CAMSAP3: variants seen among roughly 807,000 people sequenced by gnomAD.
CAMSAP3 encodes calmodulin regulated spectrin associated protein family member 3.
CAMSAP3 carries 34 observed loss-of-function variants against 112.5 expected under a neutral mutation model. That is an observed-to-expected ratio of 0.30 (90% CI 0.23 to 0.40). The LOEUF (loss-of-function observed/expected upper bound fraction) is 0.40, where lower values mean the gene tolerates loss of function less well. CAMSAP3 is among the 10% of genes least tolerant of loss of function. CAMSAP3 has a pLI of 1.00. For synonymous variants in CAMSAP3, 868 were observed against 799.8 expected, an observed-to-expected ratio of 1.09 and a Z score of -1.44; for missense variants, 1,602 against 1,770.3, an observed-to-expected ratio of 0.90 and a Z score of 1.71.
At chr19:7,608,293 G>A in intron 5 of CAMSAP3, 29 bp downstream of exon 5, 1 of 1,593,028 alleles carries the variant, frequency 6.3e-7, no homozygotes, top group Non-Finnish European at 8.6e-7. Context: ...AACAGATCTT[G>A]TGCCGGGGAG....
chr19:7,612,824 A>T lies in CAMSAP3; in HGVS notation c.2331A>T (p.Ser777=), dbSNP rs747910636. Residue 777 remains serine (S), a synonymous_variant, in exon 11 of 17, where the codon TCA becomes TCT. Coordinates refer to ENST00000160298, the MANE Select transcript of CAMSAP3 (RefSeq NM_020902.2). ...GCCCTGGGCCCGGGCCCAGCCAGTCACCCCGCAGCCCGAAACACACGCGGC... is the reference window on the plus strand; with the variant it reads ...GCCCTGGGCCCGGGCCCAGCCAGTCTCCCCGCAGCCCGAAACACACGCGGC... ...RRSPGPGPSQ[S]PRSPKHTRPA... The T allele has an allele frequency of 6.4e-7, 1 of 1,560,754 alleles. No individual in the cohort carries two copies. The highest frequency in any genetic ancestry group is 1.2e-5 in the South Asian group (1 of 85,282).
At chr19:7,616,480 C>T in intron 13 of CAMSAP3, 43 bp from the exon 14 acceptor site, 2 of 1,378,866 alleles carry the variant, frequency 1.5e-6, no homozygotes, top group Non-Finnish European at 2.1e-6. Flanking sequence ...TTGTGGAGGG[C>T]AGGGGCTTCT....
rs554908688 is a variant in CAMSAP3, at chr19:7,610,054, C to T, written c.761-422C>T. On this transcript the variant is annotated intron_variant, in intron 5 of 16. Coordinates refer to ENST00000160298, the MANE Select transcript of CAMSAP3 (RefSeq NM_020902.2). This position sits in a 1 kb window ranked among gnomAD's most constrained non-coding sequence, Gnocchi z 4.9. Reference sequence around the variant, plus strand: ...TTCACCTCGGCCGGGTACAGTGGCTCACGCCTGTAATCCCAGCACTTTGGG... The same window carrying T: ...TTCACCTCGGCCGGGTACAGTGGCTTACGCCTGTAATCCCAGCACTTTGGG... Among the ~76,000 whole-genome samples the T allele has an allele frequency of 6.6e-6, 1 of 152,162 alleles. No individual in the cohort carries two copies. Among genetic ancestry groups the T allele is most frequent in the Admixed American group, 6.5e-5 (1 of 15,278 alleles).
At position 7,611,409 on chromosome 19, in the gene CAMSAP3, G is replaced by C. The variant is rs967550602; in HGVS notation, c.1124-108G>C. The stretch of plus-strand genomic sequence containing the variant: ...CTGGTCTCACTAGACCACATAATGA[G>C]CCATCAGTGACTCACCCAATGACCT... On this transcript the variant is annotated intron_variant, in intron 9 of 16. Transcript: ENST00000160298. This position sits in a 1 kb window ranked among gnomAD's most constrained non-coding sequence, Gnocchi z 6.9. 3 of 1,086,722 alleles carry C rather than the reference G, an allele frequency of 2.8e-6. No individual in the cohort carries two copies. The African/African-American group carries it at 4.8e-5, about 17-fold the overall frequency. 67.3% of individuals were successfully genotyped at this position (1,086,722 alleles called of 1,614,324 possible).
At chr19:7,616,934 C>CTCT (rs2030823962) in intron 14 of CAMSAP3, among the ~76,000 whole-genome samples, 5 of 83,032 alleles carry the variant, frequency 6.0e-5, no homozygotes, top group African/African-American at 2.6e-4. Flanking sequence ...TGTGGCCCGC[C>CTCT]TTTTTTTTTT....
Position 7,612,490 on chromosome 19 carries a change from G to T in CAMSAP3, c.1997G>T (p.Arg666Leu). 1 of 1,551,008 alleles carries T rather than the reference G, an allele frequency of 6.4e-7. No individual in the cohort carries two copies. The change falls in exon 11 of 17, where the codon CGG becomes CTG. Residue 666 changes from arginine to leucine, a missense_variant. Coordinates refer to ENST00000160298, the MANE Select transcript of CAMSAP3 (RefSeq NM_020902.2). ...ADSGPVPGGE[R>L]PAGEGQGEPT... The stretch of plus-strand genomic sequence containing the variant: ...TCCGGTCCAGTCCCTGGTGGGGAGC[G>T]GCCCGCAGGCGAGGGCCAGGGTGAG...
At chr19:7,613,334 T>A (rs1462983595) in intron 11 of CAMSAP3, among the ~76,000 whole-genome samples, 171 bp downstream of exon 11, 1 of 103,792 alleles carries the variant, frequency 9.6e-6, no homozygotes, top group East Asian at 3.0e-4. Flanking sequence ...CAGGTGTGAG[T>A]GGCTGGGTAA....
chr19:7,598,914 G>C (rs1568437395), intron 1 of CAMSAP3, among the ~76,000 whole-genome samples: 1 of 152,154 alleles, frequency 6.6e-6, no homozygotes, highest in Admixed American at 6.5e-5. Flanking sequence ...TCCTGGACAA[G>C]TTATCTCAGC....
rs764232607 is a variant in CAMSAP3, at chr19:7,612,879, A to G, written c.2386A>G (p.Arg796Gly). 3 of 1,606,132 alleles carry G rather than the reference A, an allele frequency of 1.9e-6. No individual in the cohort carries two copies. Among genetic ancestry groups the G allele is most frequent in the Non-Finnish European group, 1.7e-6 (2 of 1,178,032 alleles). The change falls in exon 11 of 17, where the codon AGG becomes GGG. Residue 796 changes from arginine to glycine, a missense_variant. By Grantham distance (125) the Arg-to-Gly change is moderately radical (BLOSUM62 -2). Coordinates refer to ENST00000160298, the MANE Select transcript of CAMSAP3 (RefSeq NM_020902.2). ...PAELRLAPLT[R>G]VLTPPHDVDS... ...GGAGCTGCGGCTGGCACCCTTGACC[A>G]GGGTGCTTACGCCACCCCACGACGT... is the stretch of plus-strand genomic sequence containing the variant.
At chr19:7,605,956 G>T (rs1051249910) in intron 2 of CAMSAP3, among the ~76,000 whole-genome samples, 17 of 151,952 alleles carry the variant, frequency 1.1e-4, no homozygotes, top group African/African-American at 4.1e-4. Flanking sequence ...ATCAAGCCTG[G>T]CCCCTCCCAT....
chr19:7,601,936 C>T (rs749356299), intron 1 of CAMSAP3, among the ~76,000 whole-genome samples: 15 of 149,454 alleles, frequency 1.0e-4, no homozygotes, highest in Non-Finnish European at 2.1e-4. Context: ...TGGTGGTGCA[C>T]GCCTGTAGTC....
chr19:7,596,260 G>T (rs973520508), intron 1 of CAMSAP3, 110 bp downstream of exon 1: 3 of 483,164 alleles, frequency 6.2e-6, no homozygotes, highest in Non-Finnish European at 2.7e-6. Context: ...GAACAATAGC[G>T]CCGGCCGCCG....
intron 1 of CAMSAP3, among the ~76,000 whole-genome samples, chr19:7,604,920 T>C (rs1320318590): frequency 6.6e-6 from 1 of 152,134 alleles, no homozygotes; most frequent in Admixed American, 6.5e-5. Flanking sequence ...TGGCCTGGTA[T>C]TGGGGGTAGC....
Position 7,596,132 on chromosome 19 carries a change from G to T in CAMSAP3, c.130G>T (p.Ala44Ser). Residue 44 changes from alanine (A) to serine (S), a missense_variant, in exon 1 of 17, where the codon GCC becomes TCC. By Grantham distance (99) the Ala-to-Ser change is moderately conservative (BLOSUM62 1). This residue lies in a region of CAMSAP3 where 147 missense variants were observed against 144.6 expected (regional missense o/e 1.02). Transcript: ENST00000160298. ...AAASLAWVLRAAFGGAEHVPP... is the reference protein window; with the variant it reads ...AAASLAWVLRSAFGGAEHVPP... ...GGCCAGCCTGGCGTGGGTGCTGCGG[G>T]CCGCGTTCGGGGGCGCAGGTACCGG... is the stretch of plus-strand genomic sequence containing the variant. 8.4e-7 allele frequency: 1 copy of T among 1,189,836 alleles called. No homozygotes were observed. 73.7% of individuals were successfully genotyped at this position (1,189,836 alleles called of 1,614,324 possible). A position where few individuals can be genotyped will look rare whatever the true frequency, so the allele number is the denominator to read the frequency against.
intron 1 of CAMSAP3, 78 bp from the exon 2 acceptor site, chr19:7,605,143 ATGTGG>A: frequency 2.3e-6 from 1 of 436,588 alleles, no homozygotes. Flanking sequence ...AATCCGGGCC[ATGTGG>A]TGTGTGTGTG....
intron 4 of CAMSAP3, 101 bp from the exon 5 acceptor site, chr19:7,608,025 C>A: frequency 7.0e-7 from 1 of 1,433,790 alleles, no homozygotes; most frequent in South Asian, 1.2e-5. Flanking sequence ...CAGCTTCCCG[C>A]CCCCTCATGG....
chr19:7,600,963 TATCCATCC>T (rs528936186), intron 1 of CAMSAP3, among the ~76,000 whole-genome samples: 2 of 124,324 alleles, frequency 1.6e-5, no homozygotes, highest in Admixed American at 8.2e-5. Flanking sequence ...TTCATCCATT[TATCCATCC>T]ATCCATCCAT....
At position 7,610,982 on chromosome 19, in the gene CAMSAP3, A is replaced by G; in HGVS notation, c.1049+51A>G. On this transcript the variant is annotated intron_variant, in intron 8 of 16. Transcript: ENST00000160298. The surrounding 1 kb of genome is among the most constrained non-coding windows in gnomAD (Gnocchi z 4.9). ...TCTGGCATTGTGGGTGTGGGGCTCC[A>G]TGTCTGCCTTGCTGAGCACTGGGAC... The G allele has an allele frequency of 6.3e-7, 1 of 1,576,718 alleles. No individual in the cohort carries two copies. Among genetic ancestry groups the G allele is most frequent in the Non-Finnish European group, 8.7e-7 (1 of 1,155,464 alleles).
Position 7,596,208 on chromosome 19 carries a change from G to GC in CAMSAP3, c.148+58_148+59insC, listed in dbSNP as rs1012872080. The GC allele has an allele frequency of 7.9e-5, 52 of 659,472 alleles. 1 individual carries two copies. The highest frequency in any genetic ancestry group is 1.0e-4 in the African/African-American group (5 of 48,614). 40.9% of individuals were successfully genotyped at this position (659,472 alleles called of 1,614,324 possible). Reference sequence around the variant, plus strand: ...GGCGGGCCGGGCGCGGCAGGTGCTGGGGGGGGGCGGGGCGCCGGGCCGGGA... The same window carrying GC: ...GGCGGGCCGGGCGCGGCAGGTGCTGGCGGGGGGGCGGGGCGCCGGGCCGGGA... On this transcript the variant is annotated intron_variant, in intron 1 of 16. Transcript: ENST00000160298.
Sources: gnomAD v4.1 joint callset for allele counts (sites outside exome capture counted in the v4.1 genomes callset) on GRCh38, gnomAD v4.1.1 for gene constraint, gnomAD v4.1.1 regional missense constraint, Gnocchi (gnomAD v3.1) non-coding constraint, MANE v1.5 for transcripts, NCBI Gene and HGNC (gene_info 2026-07-23, HGNC 2026-07-21) for gene names.